Variants in CCDC32 observed in about 807,000 individuals in gnomAD.
The protein encoded by CCDC32 is coiled-coil domain-containing protein 32.
In CCDC32, 9 loss-of-function variants were observed where a neutral mutation model predicts 20.1. The ratio of observed to expected loss-of-function variants is 0.45; its 90% CI spans 0.27 to 0.78. The LOEUF is 0.78. CCDC32 is among the 30% of genes least tolerant of loss of function. The pLI is 0.16. For missense variants in CCDC32, 204 were observed against 215.5 expected, an observed-to-expected ratio of 0.95 and a Z score of 0.33; for synonymous variants, 63 against 79.0, an observed-to-expected ratio of 0.80 and a Z score of 1.07.
downstream of CCDC32, among the ~76,000 whole-genome samples, chr15:40,524,746 T>C (rs1168492423): frequency 2.5e-5 from 1 of 39,734 alleles, no homozygotes; most frequent in Non-Finnish European, 8.4e-5. Flanking sequence ...TTTCTTTTTT[T>C]TTTTTTTTTT....
Position 40,562,876 on chromosome 15 carries a change from C to A in CCDC32, c.140G>T (p.Cys47Phe), listed in dbSNP as rs1294510333. Reference sequence around the variant, plus strand: ...CTCCCTCTGGCCTTCACCTTCAGGGCAAGAATCCACAAAGGAGTCTGAGAA... The same window carrying A: ...CTCCCTCTGGCCTTCACCTTCAGGGAAAGAATCCACAAAGGAGTCTGAGAA... ...NAFSDSFVDS[C>F]PEGEGQREVA... Residue 47 changes from cysteine (C) to phenylalanine (F), a missense_variant, in exon 2 of 4, where the codon TGC becomes TTC. Coordinates refer to ENST00000416810, the MANE Select transcript of CCDC32 (RefSeq NM_001080792.4). 5 of 1,614,064 alleles carry A rather than the reference C, an allele frequency of 3.1e-6. No individual in the cohort carries two copies. The African/African-American group carries it at 6.7e-5, about 22-fold the overall frequency.
chr15:40,554,081 C>T lies in CCDC32; in HGVS notation c.448G>A (p.Val150Ile), dbSNP rs374535041. 40 of 1,614,040 alleles carry T rather than the reference C, an allele frequency of 2.5e-5. No homozygotes were observed. Among genetic ancestry groups the T allele is most frequent in the African/African-American group, 1.9e-4 (14 of 74,968 alleles). ...KRWLQPDKVAVSTEEVQYLIP... is the reference protein window; with the variant it reads ...KRWLQPDKVAISTEEVQYLIP... Reference sequence around the variant, plus strand: ...AGATACTGGACCTCCTCTGTGCTGACGGCTACTTTATCTGGCTGGAGCCAC... The same window carrying T: ...AGATACTGGACCTCCTCTGTGCTGATGGCTACTTTATCTGGCTGGAGCCAC... Residue 150 changes from valine (V) to isoleucine (I), a missense_variant, in exon 4 of 4, where the codon GTC (valine) becomes ATC (isoleucine). Physicochemically the swap from Val to Ile is conservative, Grantham distance 29. Coordinates refer to ENST00000416810, the MANE Select transcript of CCDC32 (RefSeq NM_001080792.4).
At chr15:40,529,184 T>G (rs1888806733) in intron 3 of CCDC32, among the ~76,000 whole-genome samples, 1 of 152,180 alleles carries the variant, frequency 6.6e-6, no homozygotes, top group African/African-American at 2.4e-5. Flanking sequence ...GCCAGGGGTC[T>G]TAAGGGGAAG....
At chr15:40,560,167 G>A (rs1197964531) in intron 2 of CCDC32, among the ~76,000 whole-genome samples, 3 of 152,062 alleles carry the variant, frequency 2.0e-5, no homozygotes, top group African/African-American at 4.8e-5. Context: ...GCGCCACCAC[G>A]CCCAGCTAAT....
At chr15:40,564,123 A>G (rs1890862349) in intron 1 of CCDC32, among the ~76,000 whole-genome samples, 1 of 152,122 alleles carries the variant, frequency 6.6e-6, no homozygotes. Flanking sequence ...CCCGGCCCCT[A>G]AATTCTGTTT....
chr15:40,534,995 C>T, downstream of CCDC32: 1 of 703,604 alleles, frequency 1.4e-6, no homozygotes, highest in African/African-American at 1.7e-5. Context: ...GTGACTTGAT[C>T]TTCCCGAGCC....
At chr15:40,546,049 G>A (rs1451373712) in intron 3 of CCDC32, among the ~76,000 whole-genome samples, 2 of 152,008 alleles carry the variant, frequency 1.3e-5, no homozygotes, top group Non-Finnish European at 1.5e-5. Flanking sequence ...TTGTGTTTTA[G>A]TTCAGAGAAT....
chr15:40,535,167 C>T (rs1466271390), downstream of CCDC32: 14 of 1,158,972 alleles, frequency 1.2e-5, no homozygotes, highest in Middle Eastern at 2.9e-4. Flanking sequence ...ATTAACGTGA[C>T]GGTGGCATAT....
intron 1 of CCDC32, 199 bp downstream of exon 1, chr15:40,564,777 G>T (rs747348435): frequency 1.2e-6 from 2 of 1,614,024 alleles, no homozygotes; most frequent in Non-Finnish European, 1.7e-6. Flanking sequence ...CCAGAGCCCC[G>T]CATGGCCCCT....
chr15:40,557,821 AAGAATT>A (rs68067627), intron 2 of CCDC32: 53,458 of 152,152 alleles, frequency 0.35, 10,227 homozygotes, highest in Non-Finnish European at 0.45. Context: ...TCTCATGAGA[AAGAATT>A]AGAGAAAATG....
intron 3 of CCDC32, chr15:40,529,705 AG>A (rs1414582776): frequency 7.8e-6 from 1 of 128,546 alleles, no homozygotes; most frequent in African/African-American, 3.0e-5. Context: ...TCTATCGCCC[AG>A]GCTGGAGTGC....
downstream of CCDC32, among the ~76,000 whole-genome samples, chr15:40,531,007 G>C (rs1888858559): frequency 6.6e-6 from 1 of 151,730 alleles, no homozygotes. Flanking sequence ...ACCGCACCTG[G>C]CCAGATATTC....
chr15:40,537,265 G>A (rs1889157526), downstream of CCDC32: 1 of 152,580 alleles, frequency 6.6e-6, no homozygotes, highest in African/African-American at 2.4e-5. Flanking sequence ...TGCTGAGCTG[G>A]AGGGGGGATC....
At chr15:40,560,521 G>GA (rs1327910418) in intron 2 of CCDC32, among the ~76,000 whole-genome samples, 1 of 151,910 alleles carries the variant, frequency 6.6e-6, no homozygotes, top group Non-Finnish European at 1.5e-5. Context: ...AAATCAGAAA[G>GA]AAAAAAACAA....
chr15:40,534,600 T>G, downstream of CCDC32: 1 of 285,796 alleles, frequency 3.5e-6, no homozygotes. Context: ...CCACCACACG[T>G]GGGGATTGTG....
At chr15:40,530,291 C>CAAAAAAA (rs3068017), downstream of CCDC32, among the ~76,000 whole-genome samples, 4 of 99,562 alleles carry the variant, frequency 4.0e-5, no homozygotes, top group African/African-American at 1.5e-4. Context: ...AACTACATCT[C>CAAAAAAA]AAAAAAAAAA....
intron 1 of CCDC32, chr15:40,564,686 G>C: frequency 6.3e-7 from 1 of 1,595,200 alleles, no homozygotes; most frequent in Non-Finnish European, 8.6e-7. Context: ...CGGCGGTCCT[G>C]GGTGAACTGA....
rs1398459355 is a variant in CCDC32 at position 40,553,529 on chromosome 15, G to A, written c.*442C>T. 1 of 988,058 alleles carries A rather than the reference G, an allele frequency of 1.0e-6. No homozygotes were observed. Among genetic ancestry groups the A allele is most frequent in the Admixed American group, 6.0e-5 (1 of 16,674 alleles). The allele number at this position is 988,058 out of a possible 1,614,324, so 61.2% of individuals were successfully genotyped here. A position where few individuals can be genotyped will look rare whatever the true frequency, so the allele number is the denominator to read the frequency against. The stretch of plus-strand genomic sequence containing the variant: ...CCACTCACGTGACAATTCACCAAGG[G>A]AATGCTTGGGACACAAGCATGAATG... On this transcript the variant is annotated 3_prime_UTR_variant, in exon 4 of 4. Coordinates refer to ENST00000416810, the MANE Select transcript of CCDC32 (RefSeq NM_001080792.4).
intron 3 of CCDC32, chr15:40,539,384 C>G (rs753506902): frequency 1.3e-6 from 2 of 1,516,830 alleles, no homozygotes; most frequent in Non-Finnish European, 1.8e-6. Flanking sequence ...CCGACAGAGA[C>G]GAGGAAGATA....
Sources: gnomAD v4.1 joint callset for allele counts (sites outside exome capture counted in the v4.1 genomes callset) on GRCh38, gnomAD v4.1.1 for gene constraint, MANE v1.5 for transcripts, NCBI Gene and HGNC (gene_info 2026-07-23, HGNC 2026-07-21) for gene names.